Variants in GPR21 observed in about 807,000 individuals in gnomAD.
GPR21 encodes the protein probable G protein-coupled receptor 21.
Under a neutral mutation model 21.5 loss-of-function variants are expected in GPR21, and 9 were observed. The observed-to-expected ratio is 0.42, with a 90% CI of 0.25 to 0.73. GPR21 has a LOEUF of 0.73. GPR21 is among the 30% of genes least tolerant of loss of function. The probability of loss-of-function intolerance (pLI) is 0.27; values close to 1 mark genes in which losing one functional copy is unlikely to be tolerated. For missense variants in GPR21, 416 were observed against 428.9 expected (o/e 0.97, Z 0.27); for synonymous variants, 169 against 159.3 (o/e 1.06, Z -0.46).
rs2032499025 is a variant in GPR21 at position 123,034,486 on chromosome 9, G to T, written c.-81G>T. The T allele has an allele frequency of 2.4e-6, 2 of 842,048 alleles. No homozygotes were observed. Among genetic ancestry groups the T allele is most frequent in the African/African-American group, 1.7e-5 (1 of 59,054 alleles). 52.2% of individuals were successfully genotyped at this position (842,048 alleles called of 1,614,324 possible). On this transcript the variant is annotated 5_prime_UTR_variant, in exon 2 of 2. Coordinates refer to ENST00000616002, the MANE Select transcript of GPR21 (RefSeq NM_005294.3). ...TTATTACACACATGCAAAGCTGACC[G>T]CAATGACAGCAGCTGCTTCTTTGAA...
chr9:123,042,153 C>G, the GPR21 span, among the ~76,000 whole-genome samples: 1 of 152,180 alleles, frequency 6.6e-6, no homozygotes, highest in Non-Finnish European at 1.5e-5. Flanking sequence ...ACACTACACT[C>G]TCAGAATGTT....
the GPR21 span, among the ~76,000 whole-genome samples, chr9:123,047,325 T>TCA: frequency 6.6e-6 from 1 of 152,140 alleles, no homozygotes; most frequent in African/African-American, 2.4e-5. Context: ...TGCTAGTGAG[T>TCA]TTGAAGGGTA....
downstream of GPR21, among the ~76,000 whole-genome samples, chr9:123,040,659 T>G (rs1179094808): frequency 6.6e-6 from 1 of 152,092 alleles, no homozygotes; most frequent in East Asian, 1.9e-4. Flanking sequence ...ACATACTAGT[T>G]TTATGATTTT....
chr9:123,040,925 C>G, the GPR21 span, among the ~76,000 whole-genome samples: 4 of 152,046 alleles, frequency 2.6e-5, no homozygotes, highest in Non-Finnish European at 5.9e-5. Flanking sequence ...GAAACCAGCC[C>G]AGTGGCCACT....
At chr9:123,046,349 G>A in the GPR21 span, among the ~76,000 whole-genome samples, 2 of 152,170 alleles carry the variant, frequency 1.3e-5, no homozygotes, top group African/African-American at 4.8e-5. Flanking sequence ...GTCTTATGCA[G>A]AAAATACAAT....
At chr9:123,035,806 G>C (rs1425423784), downstream of GPR21, 6 of 501,342 alleles carry the variant, frequency 1.2e-5, no homozygotes, top group Non-Finnish European at 2.1e-5. Flanking sequence ...GTTTTCAAAA[G>C]TGCTTGTGAA....
downstream of GPR21, among the ~76,000 whole-genome samples, chr9:123,037,587 T>C (rs1332105016): frequency 6.6e-6 from 1 of 152,236 alleles, no homozygotes; most frequent in African/African-American, 2.4e-5. Context: ...TTTACCTTTT[T>C]TCATACATGT....
downstream of GPR21, among the ~76,000 whole-genome samples, chr9:123,037,539 A>G (rs1234435052): frequency 6.6e-6 from 1 of 152,168 alleles, no homozygotes; most frequent in Admixed American, 6.6e-5. Flanking sequence ...TATTGTATAC[A>G]TTTTCCCTTT....
the GPR21 span, among the ~76,000 whole-genome samples, chr9:123,047,919 G>GTTTTTTTTTTTTTTTTTTT: frequency 4.8e-5 from 3 of 62,282 alleles, 1 homozygote; most frequent in Non-Finnish European, 1.1e-4. Context: ...CAGCTGCTGG[G>GTTTTTTTTTTTTTTTTTTT]TTTTTTTTTT....
At chr9:123,041,705 C>G in the GPR21 span, among the ~76,000 whole-genome samples, 1 of 152,214 alleles carries the variant, frequency 6.6e-6, no homozygotes, top group South Asian at 2.1e-4. Flanking sequence ...ACTGACTCAG[C>G]GGAATCAACA....
At chr9:123,047,193 T>G in the GPR21 span, among the ~76,000 whole-genome samples, 1 of 152,244 alleles carries the variant, frequency 6.6e-6, no homozygotes, top group South Asian at 2.1e-4. Flanking sequence ...GTTAAGATTT[T>G]CTTTCAGTAC....
At chr9:123,042,653 G>A in the GPR21 span, among the ~76,000 whole-genome samples, 1 of 152,166 alleles carries the variant, frequency 6.6e-6, no homozygotes. Context: ...CAAAAAGGCA[G>A]AGAGACAGAA....
the GPR21 span, among the ~76,000 whole-genome samples, chr9:123,042,655 G>A: frequency 6.6e-6 from 1 of 152,154 alleles, no homozygotes; most frequent in East Asian, 1.9e-4. Flanking sequence ...AAAAGGCAGA[G>A]AGACAGAAAA....
At position 123,034,665 on chromosome 9, in the gene GPR21, G is replaced by C; in HGVS notation, c.99G>C (p.Leu33Phe). 6.2e-7 allele frequency: 1 copy of C among 1,613,112 alleles called. No individual in the cohort carries two copies. The highest frequency in any genetic ancestry group is 8.5e-7 in the Non-Finnish European group (1 of 1,179,080). The change falls in exon 2 of 2, where the codon TTG becomes TTC. Residue 33 changes from leucine to phenylalanine, a missense_variant. Coordinates refer to ENST00000616002, the MANE Select transcript of GPR21 (RefSeq NM_005294.3). ...TCAATTTTTGCCTTTTGGAAGTATT[G>C]ATTATTGTCTTTCTAACTGTATTGA... is the stretch of plus-strand genomic sequence containing the variant. ...ETVNFCLLEVLIIVFLTVLII... is the reference protein window; with the variant it reads ...ETVNFCLLEVFIIVFLTVLII...
At chr9:123,041,380 C>T in the GPR21 span, among the ~76,000 whole-genome samples, 1 of 152,064 alleles carries the variant, frequency 6.6e-6, no homozygotes, top group Non-Finnish European at 1.5e-5. Context: ...TTTGAATTTT[C>T]CTATTTTATA....
Position 123,034,634 on chromosome 9 carries a change from A to G in GPR21, c.68A>G (p.Glu23Gly). ...TGCCTCTTGGCATTTGGCTATTTGG[A>G]AACTGTCAATTTTTGCCTTTTGGAA... ...PFCLLAFGYLETVNFCLLEVL... is the reference protein window; with the variant it reads ...PFCLLAFGYLGTVNFCLLEVL... The change falls in exon 2 of 2, where the codon GAA (glutamate) becomes GGA (glycine). Residue 23 changes from glutamate (E) to glycine (G), a missense_variant. Physicochemically the swap from Glu to Gly is moderately conservative, Grantham distance 98. Transcript: ENST00000616002. 1 of 1,613,846 alleles carries G rather than the reference A, an allele frequency of 6.2e-7. No homozygotes were observed. Among genetic ancestry groups the G allele is most frequent in the Non-Finnish European group, 8.5e-7 (1 of 1,179,782 alleles).
chr9:123,046,804 C>T, the GPR21 span, among the ~76,000 whole-genome samples: 1 of 152,086 alleles, frequency 6.6e-6, no homozygotes, highest in Admixed American at 6.5e-5. Flanking sequence ...GGATTTAATT[C>T]TATTTAGGAA....
the GPR21 span, among the ~76,000 whole-genome samples, chr9:123,048,499 C>T: frequency 1.3e-5 from 2 of 152,160 alleles, no homozygotes; most frequent in Non-Finnish European, 2.9e-5. Flanking sequence ...CCATAGCATA[C>T]AACGCTTTAC....
chr9:123,047,012 A>G, the GPR21 span, among the ~76,000 whole-genome samples: 1,490 of 152,342 alleles, frequency 9.8e-3, 5 homozygotes, highest in Non-Finnish European at 0.015. Context: ...CCTCCTTTAG[A>G]CTCAGTCATT....
Sources: gnomAD v4.1 joint callset for allele counts (sites outside exome capture counted in the v4.1 genomes callset) on GRCh38, gnomAD v4.1.1 for gene constraint, MANE v1.5 for transcripts, NCBI Gene and HGNC (gene_info 2026-07-23, HGNC 2026-07-21) for gene names.